Variants in NARF observed in about 807,000 individuals in gnomAD.
NARF encodes the protein iron-only hydrogenase-like protein 2.
A neutral mutation model predicts 48.0 loss-of-function variants in NARF; 41 were observed. The ratio of observed to expected loss-of-function variants is 0.85; its 90% CI spans 0.66 to 1.11. The LOEUF (loss-of-function observed/expected upper bound fraction) is 1.11, where lower values mean the gene tolerates loss of function less well. Among genes scored for constraint, NARF ranks in the 50% least tolerant of loss-of-function variants. The pLI is 0.00. For missense variants in NARF, 613 were observed against 590.2 expected (o/e 1.04, Z -0.40); for synonymous variants, 215 against 225.5 (o/e 0.95, Z 0.42).
chr17:82,486,127 C>A (rs1317419169), intron 10 of NARF, among the ~76,000 whole-genome samples: 1 of 152,088 alleles, frequency 6.6e-6, no homozygotes, highest in Non-Finnish European at 1.5e-5. Flanking sequence ...GAGGGTGGGC[C>A]ACTGTGGGCT....
In NARF at chr17:82,484,758, T is replaced by G. The variant is rs532047656; in HGVS notation, c.834-55T>G. The G allele has an allele frequency of 7.3e-6, 11 of 1,517,132 alleles. No homozygotes were observed. The Admixed American group carries it at 2.3e-4, about 32-fold the overall frequency. The allele number at this position is 1,517,132 out of a possible 1,614,324, so 94.0% of individuals were successfully genotyped here. On this transcript the variant is annotated intron_variant, in intron 8 of 10. Transcript: ENST00000309794. ...CCTCAGGAAGTCTGGTTTCACTCTT[T>G]CTGTCACTGTACGTCAGCATTCATG...
At chr17:82,471,929 A>C (rs1312087861) in intron 4 of NARF, among the ~76,000 whole-genome samples, 1 of 152,012 alleles carries the variant, frequency 6.6e-6, no homozygotes, top group Non-Finnish European at 1.5e-5. Context: ...ACGTTGTAAT[A>C]TTTCATTAAT....
intron 5 of NARF, among the ~76,000 whole-genome samples, chr17:82,474,327 T>C (rs551088067): frequency 9.8e-5 from 15 of 152,320 alleles, no homozygotes; most frequent in African/African-American, 3.6e-4. Flanking sequence ...ATTCAGATAC[T>C]CTCAGGGCGC....
At position 82,460,027 on chromosome 17, in the gene NARF, G is replaced by A; in HGVS notation, c.63G>A (p.Glu21=). The A allele has an allele frequency of 6.2e-7, 1 of 1,613,958 alleles. No homozygotes were observed. Among genetic ancestry groups the A allele is most frequent in the Non-Finnish European group, 8.5e-7 (1 of 1,179,894 alleles). ...CSKKTKTDDQ[E]NVSADAPSPA... is the part of the protein sequence containing the mutation. The stretch of plus-strand genomic sequence containing the variant: ...AGAAAACAAAAACTGATGACCAAGA[G>A]AATGTGTCAGCCGATGCACCGAGTC... The change falls in exon 2 of 11, where the codon GAG becomes GAA. Residue 21 remains glutamate, a synonymous_variant. Coordinates refer to ENST00000309794, the MANE Select transcript of NARF (RefSeq NM_012336.4).
rs948469297 is a variant in NARF, at chr17:82,474,204, A to G, written c.520+1506A>G. Among the ~76,000 whole-genome samples the G allele has an allele frequency of 8.5e-5, 13 of 152,346 alleles. No individual in the cohort carries two copies. In the East Asian group the frequency reaches 2.5e-3, roughly 29 times the overall value. ...TCTTAAGAAAATCCGTTTTCTCTTG[A>G]AAGTACAACATATCTCAGATGTACA... On this transcript the variant is annotated intron_variant, in intron 5 of 10. Transcript: ENST00000309794.
intron 8 of NARF, 60 bp downstream of exon 8, chr17:82,483,839 GCCAC>G: frequency 6.6e-7 from 1 of 1,517,038 alleles, no homozygotes; most frequent in Non-Finnish European, 9.1e-7. Context: ...AGCCCTGCCA[GCCAC>G]CTGCCAGGCC....
At chr17:82,481,256 T>A (rs2043958798) in intron 7 of NARF, 45 bp downstream of exon 7, 2 of 1,607,416 alleles carry the variant, frequency 1.2e-6, no homozygotes, top group Non-Finnish European at 1.7e-6. Context: ...GGTAATCTCC[T>A]ACTGGCCAGT....
At chr17:82,485,071 G>A (rs2143961986) in intron 9 of NARF, 121 bp downstream of exon 9, 2 of 1,272,428 alleles carry the variant, frequency 1.6e-6, no homozygotes, top group Non-Finnish European at 2.1e-6. Flanking sequence ...AAAATCAAAA[G>A]GACTTTTTTG....
Position 82,478,694 on chromosome 17 carries a change from G to A in NARF, c.521-106G>A, listed in dbSNP as rs771185366. The stretch of plus-strand genomic sequence containing the variant: ...TAAGGCCTGGGGAAAAGGTGTTCTG[G>A]CTTCACCCTGGGGCGGCAGGGACTC... On this transcript the variant is annotated intron_variant, in intron 5 of 10. Transcript: ENST00000309794. The A allele has an allele frequency of 3.4e-6, 4 of 1,164,548 alleles. No individual in the cohort carries two copies. In the African/African-American group the frequency reaches 6.1e-5, roughly 18 times the overall value. The allele number at this position is 1,164,548 out of a possible 1,614,324, so 72.1% of individuals were successfully genotyped here. A position where few individuals can be genotyped will look rare whatever the true frequency, so the allele number is the denominator to read the frequency against.
At position 82,464,282 on chromosome 17, in the gene NARF, C is replaced by T. The variant is rs377073287; in HGVS notation, c.109-5C>T. 7 of 1,611,412 alleles carry T rather than the reference C, an allele frequency of 4.3e-6. No homozygotes were observed. Among genetic ancestry groups the T allele is most frequent in the South Asian group, 2.2e-5 (2 of 90,658 alleles). ...ATAATCATGCTGAAACGTCATCTTT[C>T]ATAGAAGGGAGAATTCCACAAGTTG... On this transcript the variant is annotated splice_region_variant and splice_polypyrimidine_tract_variant and intron_variant, in intron 2 of 10. Transcript: ENST00000309794.
At chr17:82,459,298 C>T in intron 1 of NARF, 2 of 528,130 alleles carry the variant, frequency 3.8e-6, no homozygotes, top group South Asian at 8.2e-5. Context: ...CCGCGCAGCG[C>T]ACGCAGGGGG....
At position 82,488,262 on chromosome 17, in the gene NARF, G is replaced by A. The variant is rs941073338; in HGVS notation, c.*105G>A. On this transcript the variant is annotated 3_prime_UTR_variant, in exon 11 of 11. Coordinates refer to ENST00000309794, the MANE Select transcript of NARF (RefSeq NM_012336.4). ...AGTATTAAAGACACTTAAGAAAACC[G>A]CTCAATGGATTACTTTGGTTTCTCC... 36 of 1,474,716 alleles carry A rather than the reference G, an allele frequency of 2.4e-5. No individual in the cohort carries two copies. The highest frequency in any genetic ancestry group is 5.6e-5 in the African/African-American group (4 of 70,886). 91.4% of individuals were successfully genotyped at this position (1,474,716 alleles called of 1,614,324 possible).
intron 2 of NARF, chr17:82,463,605 G>C (rs1264877739): frequency 6.6e-6 from 1 of 152,564 alleles, no homozygotes; most frequent in African/African-American, 2.4e-5. Context: ...TGGGACCCGG[G>C]CAGACAGGGG....
intron 7 of NARF, among the ~76,000 whole-genome samples, chr17:82,481,489 G>A (rs2043963936): frequency 1.3e-5 from 2 of 152,134 alleles, no homozygotes; most frequent in Admixed American, 6.6e-5. Flanking sequence ...TAAGCACTGG[G>A]AGGCCAAGGC....
rs569605508 is a variant in NARF, at chr17:82,488,253, A to G, written c.*96A>G. 7.1e-5 allele frequency: 107 copies of G among 1,503,462 alleles called. No homozygotes were observed. Among genetic ancestry groups the G allele is most frequent in the Non-Finnish European group, 8.9e-5 (101 of 1,128,610 alleles). 93.1% of individuals were successfully genotyped at this position (1,503,462 alleles called of 1,614,324 possible). On this transcript the variant is annotated 3_prime_UTR_variant, in exon 11 of 11. Transcript: ENST00000309794. ...CCTGAGTGGAGTATTAAAGACACTT[A>G]AGAAAACCGCTCAATGGATTACTTT...
In NARF at chr17:82,466,747, C is replaced by G. The variant is rs80170883; in HGVS notation, c.253-2017C>G. On this transcript the variant is annotated intron_variant, in intron 3 of 10. Transcript: ENST00000309794. ...GGATTACAGACGTGAGCCACCACAC[C>G]CGGCCAGATACATTCTTTTCTATTT... 2.4e-3 allele frequency among the ~76,000 whole-genome samples: 361 copies of G among 152,242 alleles called. 3 individuals are homozygous for G. The highest frequency in any genetic ancestry group is 7.9e-3 in the African/African-American group (328 of 41,528).
At chr17:82,464,086 C>G (rs2043502508) in intron 2 of NARF, 1 of 576,648 alleles carries the variant, frequency 1.7e-6, no homozygotes, top group African/African-American at 1.9e-5. Context: ...TGGGCTGGGC[C>G]CTGTGTCCTG....
chr17:82,470,278 C>T (rs2043668455), intron 4 of NARF, among the ~76,000 whole-genome samples: 1 of 152,100 alleles, frequency 6.6e-6, no homozygotes, highest in Non-Finnish European at 1.5e-5. Context: ...GACAGGTGCC[C>T]ACACGTTAGG....
upstream of NARF, chr17:82,458,440 GGCCGCC>G (rs565978884): frequency 4.2e-6 from 1 of 237,230 alleles, no homozygotes; most frequent in Non-Finnish European, 8.2e-6. Flanking sequence ...AACGCCGCTT[GGCCGCC>G]GCCGCCGCCG....
Sources: gnomAD v4.1 joint callset for allele counts (sites outside exome capture counted in the v4.1 genomes callset) on GRCh38, gnomAD v4.1.1 for gene constraint, MANE v1.5 for transcripts, NCBI Gene and HGNC (gene_info 2026-07-23, HGNC 2026-07-21) for gene names.